MEX3A: variants seen among roughly 807,000 people sequenced by gnomAD.
MEX3A encodes the protein mex-3 RNA binding family member A, also known as RNA-binding protein MEX3A.
Under a neutral mutation model 30.0 loss-of-function variants are expected in MEX3A, and 4 were observed. That is an observed-to-expected ratio of 0.13 (90% CI 0.07 to 0.30). The LOEUF (loss-of-function observed/expected upper bound fraction) is 0.30. Among genes scored for constraint, MEX3A ranks in the 10% least tolerant of loss-of-function variants. The pLI is 1.00. For missense variants in MEX3A, 555 were observed against 736.7 expected (o/e 0.75, Z 2.86); for synonymous variants, 335 against 327.6 (o/e 1.02, Z -0.24).
In MEX3A at chr1:156,077,474, G is replaced by A. The variant is rs765160121; in HGVS notation, c.663C>T (p.Pro221=). Reference sequence around the variant, plus strand: ...CCCGCACACGGATGGTCACCTGGCCGGGCAGAGCAGGAGCCACACCAAAGG... The same window carrying A: ...CCCGCACACGGATGGTCACCTGGCCAGGCAGAGCAGGAGCCACACCAAAGG... ...GAAFGVAPAL[P]GQVTIRVRVP... is the part of the protein sequence containing the mutation. Residue 221 remains proline (P), a synonymous_variant, in exon 2 of 2, where the codon CCC becomes CCT. Transcript: ENST00000532414. The surrounding 1 kb of genome is among the most constrained non-coding windows in gnomAD (Gnocchi z 8.3). 3.2e-5 allele frequency: 51 copies of A among 1,613,084 alleles called. No homozygotes were observed. Among genetic ancestry groups the A allele is most frequent in the East Asian group, 2.9e-4 (13 of 44,838 alleles).
chr1:156,079,195 G>A (rs983397000), intron 1 of MEX3A, among the ~76,000 whole-genome samples: 3 of 150,648 alleles, frequency 2.0e-5, no homozygotes, highest in Non-Finnish European at 4.4e-5. Context: ...GAGTAGGTTG[G>A]GGGACCCTCC....
chr1:156,081,449 C>T (rs1572301405), intron 1 of MEX3A, 96 bp downstream of exon 1: 1 of 1,093,354 alleles, frequency 9.1e-7, no homozygotes, highest in South Asian at 1.3e-5. Flanking sequence ...GGGACAGAGC[C>T]GGAGGCGGGC....
At chr1:156,081,162 C>A (rs1041636571) in intron 1 of MEX3A, among the ~76,000 whole-genome samples, 3 of 152,248 alleles carry the variant, frequency 2.0e-5, no homozygotes, top group African/African-American at 7.2e-5. Flanking sequence ...GCCCCCTCCC[C>A]AGCCTAGGAG....
At chr1:156,079,088 T>C (rs2102777603) in intron 1 of MEX3A, among the ~76,000 whole-genome samples, 1 of 152,134 alleles carries the variant, frequency 6.6e-6, no homozygotes, top group East Asian at 1.9e-4. Flanking sequence ...GCCCCAACCC[T>C]CCAACCTGAG....
Position 156,076,457 on chromosome 1 carries a change from G to A in MEX3A, c.*117C>T, listed in dbSNP as rs1042200802. On this transcript the variant is annotated 3_prime_UTR_variant, in exon 2 of 2. Coordinates refer to ENST00000532414, the MANE Select transcript of MEX3A (RefSeq NM_001093725.2). The surrounding 1 kb of genome is among the most constrained non-coding windows in gnomAD (Gnocchi z 6.0). ...CTGCCTCCCTCCCCCCTTCCCCAGC[G>A]AGCGAGTATCTCTAAGCACCTTGCC... 1.0e-5 allele frequency: 11 copies of A among 1,073,110 alleles called. No homozygotes were observed. Among genetic ancestry groups the A allele is most frequent in the African/African-American group, 8.1e-5 (5 of 61,728 alleles). 66.5% of individuals were successfully genotyped at this position (1,073,110 alleles called of 1,614,324 possible).
In MEX3A at chr1:156,076,663, C is replaced by A; in HGVS notation, c.1474G>T (p.Glu492Ter). 6.2e-7 allele frequency: 1 copy of A among 1,613,990 alleles called. No individual in the cohort carries two copies. Among genetic ancestry groups the A allele is most frequent in the Non-Finnish European group, 8.5e-7 (1 of 1,179,878 alleles). Residue 492 changes from glutamate to a stop codon, truncating the protein, a stop_gained, in exon 2 of 2, where the codon GAG becomes TAG. Coordinates refer to ENST00000532414, the MANE Select transcript of MEX3A (RefSeq NM_001093725.2). LOFTEE classifies it high-confidence loss of function. The surrounding 1 kb of genome is among the most constrained non-coding windows in gnomAD (Gnocchi z 6.0). ...VPCGHNLFCM[E>*]CAVRICERTD... The stretch of plus-strand genomic sequence containing the variant: ...CTCTCGCAGATGCGTACTGCACACT[C>A]CATGCAGAACAGGTTGTGTCCGCAG...
At chr1:156,078,889 G>A (rs77345159) in intron 1 of MEX3A, among the ~76,000 whole-genome samples, 3 of 151,878 alleles carry the variant, frequency 2.0e-5, no homozygotes, top group Non-Finnish European at 2.9e-5. Context: ...CCTGTGTTTC[G>A]GCCTTTCATA....
At position 156,077,111 on chromosome 1, in the gene MEX3A, G is replaced by C; in HGVS notation, c.1026C>G (p.Ile342Met). ...STFRQNSLGC[I>M]GECGVDSGFE... Reference sequence around the variant, plus strand: ...AGCCAGAGTCCACTCCGCACTCGCCGATGCAGCCCAGGCTGTTCTGCCGGA... The same window carrying C: ...AGCCAGAGTCCACTCCGCACTCGCCCATGCAGCCCAGGCTGTTCTGCCGGA... The change falls in exon 2 of 2, where the codon ATC becomes ATG. Residue 342 changes from isoleucine (I) to methionine (M), a missense_variant. Physicochemically the swap from Ile to Met is conservative, Grantham distance 10. Transcript: ENST00000532414. The surrounding 1 kb of genome is among the most constrained non-coding windows in gnomAD (Gnocchi z 8.3). The C allele has an allele frequency of 6.2e-7, 1 of 1,613,844 alleles. No homozygotes were observed. Among genetic ancestry groups the C allele is most frequent in the East Asian group, 2.2e-5 (1 of 44,870 alleles).
At position 156,077,719 on chromosome 1, in the gene MEX3A, G is replaced by C. The variant is rs753992659; in HGVS notation, c.455-37C>G. ...CGGGGAAGGAGAGAGACAAAGAAAC[G>C]CACACAGCAAGGTTTGTGCTGGGAC... On this transcript the variant is annotated intron_variant, in intron 1 of 1. Coordinates refer to ENST00000532414, the MANE Select transcript of MEX3A (RefSeq NM_001093725.2). The surrounding 1 kb of genome is among the most constrained non-coding windows in gnomAD (Gnocchi z 8.3). 8.5e-6 allele frequency: 13 copies of C among 1,536,242 alleles called. No homozygotes were observed. In the South Asian group the frequency reaches 1.4e-4, roughly 16 times the overall value.
chr1:156,076,968 G>A lies in MEX3A; in HGVS notation c.1169C>T (p.Pro390Leu), dbSNP rs765747151. 4.3e-6 allele frequency: 7 copies of A among 1,611,490 alleles called. No individual in the cohort carries two copies. The highest frequency in any genetic ancestry group is 2.2e-5 in the East Asian group (1 of 44,748). ...GGCGTTCTCCTGGCCCGCCCACAGC[G>A]GGGGGCTAGTCTCGGCCACGCCGTA... ...VYYGVAETSP[P>L]LWAGQENATP... The change falls in exon 2 of 2, where the codon CCG (proline) becomes CTG (leucine). Residue 390 changes from proline (P) to leucine (L), a missense_variant. This residue lies in a region of MEX3A where 281 missense variants were observed against 265.1 expected (regional missense o/e 1.06). Coordinates refer to ENST00000532414, the MANE Select transcript of MEX3A (RefSeq NM_001093725.2). The surrounding 1 kb of genome is among the most constrained non-coding windows in gnomAD (Gnocchi z 6.0).
At position 156,076,378 on chromosome 1, in the gene MEX3A, T is replaced by A; in HGVS notation, c.*196A>T. The A allele has an allele frequency of 3.8e-6, 2 of 531,744 alleles. No homozygotes were observed. Among genetic ancestry groups the A allele is most frequent in the South Asian group, 6.7e-5 (2 of 29,716 alleles). The allele number at this position is 531,744 out of a possible 1,614,324, so 32.9% of individuals were successfully genotyped here. ...TTTTCAGTCTGGCCCCCTCCCAATC[T>A]TTCCAGGACAGGGTGACCAGAGGCT... On this transcript the variant is annotated 3_prime_UTR_variant, in exon 2 of 2. Coordinates refer to ENST00000532414, the MANE Select transcript of MEX3A (RefSeq NM_001093725.2). The surrounding 1 kb of genome is among the most constrained non-coding windows in gnomAD (Gnocchi z 6.0).
Position 156,077,137 on chromosome 1 carries a change from A to T in MEX3A, c.1000T>A (p.Phe334Ile). Residue 334 changes from phenylalanine to isoleucine, a missense_variant, in exon 2 of 2, where the codon TTC becomes ATC. Transcript: ENST00000532414. This position sits in a 1 kb window ranked among gnomAD's most constrained non-coding sequence, Gnocchi z 8.3. ...ATGCAGCCCAGGCTGTTCTGCCGGA[A>T]GGTGGAGAGGGGCTTGCAGCCGGGC... is the stretch of plus-strand genomic sequence containing the variant. Reference protein sequence around the residue: ...HQPGCKPLSTFRQNSLGCIGE... With the variant: ...HQPGCKPLSTIRQNSLGCIGE... 6.2e-7 allele frequency: 1 copy of T among 1,613,746 alleles called. No homozygotes were observed. Among genetic ancestry groups the T allele is most frequent in the South Asian group, 1.1e-5 (1 of 91,088 alleles).
chr1:156,081,515 C>T (rs768044107), intron 1 of MEX3A, 30 bp downstream of exon 1: 3 of 1,585,498 alleles, frequency 1.9e-6, no homozygotes, highest in Non-Finnish European at 2.6e-6. Context: ...CCACTACAGT[C>T]CCTCTCAGTG....
At position 156,076,979 on chromosome 1, in the gene MEX3A, C is replaced by T; in HGVS notation, c.1158G>A (p.Glu386=). 1.2e-6 allele frequency: 2 copies of T among 1,612,524 alleles called. No individual in the cohort carries two copies. Among genetic ancestry groups the T allele is most frequent in the East Asian group, 2.2e-5 (1 of 44,828 alleles). The change falls in exon 2 of 2, where the codon GAG becomes GAA. Residue 386 remains glutamate, a synonymous_variant. Transcript: ENST00000532414. The surrounding 1 kb of genome is among the most constrained non-coding windows in gnomAD (Gnocchi z 6.0). The part of the protein sequence containing the change: ...GKQDVYYGVA[E]TSPPLWAGQE... ...GGCCCGCCCACAGCGGGGGGCTAGT[C>T]TCGGCCACGCCGTAGTACACATCCT...
rs1572302446 is a variant in MEX3A at position 156,082,257 on chromosome 1, A to C, written c.-259T>G. ...GGTGGGGGGAAAGAGAAGCAAAACCAAGAAAGCAGATCTCCTCTCCTCTCC... is the reference window on the plus strand; with the variant it reads ...GGTGGGGGGAAAGAGAAGCAAAACCCAGAAAGCAGATCTCCTCTCCTCTCC... On this transcript the variant is annotated 5_prime_UTR_variant, in exon 1 of 2. Transcript: ENST00000532414. Among the ~76,000 whole-genome samples the C allele has an allele frequency of 6.7e-6, 1 of 150,104 alleles. No individual in the cohort carries two copies. Among genetic ancestry groups the C allele is most frequent in the African/African-American group, 2.4e-5 (1 of 40,918 alleles).
chr1:156,081,265 G>A (rs1648223928), intron 1 of MEX3A, among the ~76,000 whole-genome samples: 1 of 152,174 alleles, frequency 6.6e-6, no homozygotes, highest in Non-Finnish European at 1.5e-5. Flanking sequence ...CAGCCTCCCT[G>A]GATTGGGAGA....
In MEX3A at chr1:156,073,199, C is replaced by CT. The variant is rs1381965725; in HGVS notation, c.*3374_*3375insA. On this transcript the variant is annotated 3_prime_UTR_variant, in exon 2 of 2. Coordinates refer to ENST00000532414, the MANE Select transcript of MEX3A (RefSeq NM_001093725.2). The stretch of plus-strand genomic sequence containing the variant: ...CATGGGAGGGTTTGAGCTGGGAGCC[C>CT]CAGGAGGGGACATACCACATTGGAG... 2 of 152,754 alleles carry CT rather than the reference C, an allele frequency of 1.3e-5. No homozygotes were observed. Among genetic ancestry groups the CT allele is most frequent in the Non-Finnish European group, 2.9e-5 (2 of 68,062 alleles). 9.5% of individuals were successfully genotyped at this position (152,754 alleles called of 1,614,324 possible).
chr1:156,074,733 G>A lies in MEX3A; in HGVS notation c.*1841C>T, dbSNP rs1441036063. On this transcript the variant is annotated 3_prime_UTR_variant, in exon 2 of 2. Transcript: ENST00000532414. ...TTCTATTGTACAGACATCTCAGGAT[G>A]GCTCACATAGGCGGGAAGGAGGGAA... 1 of 152,016 alleles carries A rather than the reference G, an allele frequency of 6.6e-6. No individual in the cohort carries two copies. Among genetic ancestry groups the A allele is most frequent in the Non-Finnish European group, 1.5e-5 (1 of 67,932 alleles). The allele number at this position is 152,016 out of a possible 1,614,324, so 9.4% of individuals were successfully genotyped here.
At chr1:156,080,493 G>A (rs1482783540) in intron 1 of MEX3A, among the ~76,000 whole-genome samples, 11 of 151,944 alleles carry the variant, frequency 7.2e-5, no homozygotes. Flanking sequence ...CTGTGGGACA[G>A]CTCCTCCCCC....
Sources: gnomAD v4.1 joint callset for allele counts (sites outside exome capture counted in the v4.1 genomes callset) on GRCh38, gnomAD v4.1.1 for gene constraint, gnomAD v4.1.1 regional missense constraint, Gnocchi (gnomAD v3.1) non-coding constraint, MANE v1.5 for transcripts, NCBI Gene and HGNC (gene_info 2026-07-23, HGNC 2026-07-21) for gene names.